GLI2: variants seen among roughly 807,000 people sequenced by gnomAD.
The protein encoded by GLI2 is GLI family zinc finger 2, also known as transcription activator GLI2.
GLI2 carries 22 observed loss-of-function variants against 78.9 expected under a neutral mutation model. The ratio of observed to expected loss-of-function variants is 0.28; its 90% CI spans 0.20 to 0.40. The LOEUF is 0.40. Ranked by LOEUF, GLI2 falls within the 10% of genes least tolerant of loss-of-function variation. The pLI, the probability that GLI2 is intolerant of heterozygous loss-of-function variation, is 1.00. For missense variants in GLI2, 2,097 were observed against 2,213.2 expected, an observed-to-expected ratio of 0.95 and a Z score of 1.05; for synonymous variants, 974 against 963.7, an observed-to-expected ratio of 1.01 and a Z score of -0.20.
intron 11 of GLI2, 149 bp downstream of exon 11, chr2:120,983,029 G>C (rs1334880071): frequency 3.3e-6 from 2 of 612,544 alleles, no homozygotes; most frequent in Non-Finnish European, 5.4e-6. Flanking sequence ...TACAGACCAG[G>C]ACTCTTTGAG....
chr2:120,919,550 A>T (rs1004639002), intron 2 of GLI2, among the ~76,000 whole-genome samples: 1 of 152,250 alleles, frequency 6.6e-6, no homozygotes, highest in Non-Finnish European at 1.5e-5. Flanking sequence ...TGGACAGGGC[A>T]TGGGGACCTA....
At position 120,971,930 on chromosome 2, in the gene GLI2, C is replaced by A. The variant is rs749962891; in HGVS notation, c.1060-11C>A. The A allele has an allele frequency of 1.9e-6, 3 of 1,613,390 alleles. No homozygotes were observed. In the South Asian group the frequency reaches 3.3e-5, roughly 18 times the overall value. ...CCTGAGTAACAGACTGTCCTCTGCA[C>A]CCTTCCTCAGAACAAGCAGAGCAGT... On this transcript the variant is annotated splice_polypyrimidine_tract_variant and intron_variant, in intron 7 of 13. Coordinates refer to ENST00000361492, the MANE Select transcript of GLI2 (RefSeq NM_001374353.1).
At chr2:120,955,965 G>A (rs1681242196) in intron 5 of GLI2, among the ~76,000 whole-genome samples, 1 of 152,148 alleles carries the variant, frequency 6.6e-6, no homozygotes, top group African/African-American at 2.4e-5. Flanking sequence ...GAGTGGGGGT[G>A]AGGCCAGAGT....
At position 120,798,227 on chromosome 2, in the gene GLI2, A is replaced by G. The variant is rs1573391199; in HGVS notation, c.148+759A>G. 2.0e-5 allele frequency among the ~76,000 whole-genome samples: 3 copies of G among 152,362 alleles called. No homozygotes were observed. In the South Asian group the frequency reaches 6.2e-4, roughly 32 times the overall value. On this transcript the variant is annotated intron_variant, in intron 2 of 13. Coordinates refer to ENST00000361492, the MANE Select transcript of GLI2 (RefSeq NM_001374353.1). ...CTGAGGCACAGCTCAGAGAGCAGGC[A>G]GGGAAGAGAATGCGCCTTTTCTTCC...
At chr2:120,808,653 A>G (rs898417480) in intron 2 of GLI2, among the ~76,000 whole-genome samples, 1 of 152,184 alleles carries the variant, frequency 6.6e-6, no homozygotes, top group Non-Finnish European at 1.5e-5. Flanking sequence ...CATGTTGGTG[A>G]CAAGAAAAGC....
intron 11 of GLI2, among the ~76,000 whole-genome samples, chr2:120,983,668 A>G (rs1682820504): frequency 6.6e-6 from 1 of 152,232 alleles, no homozygotes; most frequent in South Asian, 2.1e-4. Flanking sequence ...TGAGAGAACC[A>G]GGGAGAAAGC....
intron 2 of GLI2, among the ~76,000 whole-genome samples, chr2:120,853,964 T>C (rs1488341623): frequency 2.6e-5 from 4 of 152,162 alleles, no homozygotes; most frequent in Non-Finnish European, 5.9e-5. Flanking sequence ...TTCCTGTCCA[T>C]GGTGGCCTGT....
At chr2:120,863,802 A>C (rs538955062) in intron 2 of GLI2, among the ~76,000 whole-genome samples, 30 of 152,326 alleles carry the variant, frequency 2.0e-4, no homozygotes, top group African/African-American at 6.5e-4. Context: ...TGGGAACAGC[A>C]CAGATAAGCT....
chr2:120,887,569 T>A (rs915016683), intron 2 of GLI2, among the ~76,000 whole-genome samples: 3 of 152,254 alleles, frequency 2.0e-5, no homozygotes, highest in Non-Finnish European at 4.4e-5. Context: ...AAAGAGGCGG[T>A]GCACACACAA....
At chr2:120,741,980 G>A (rs563123140) in intron 1 of GLI2, among the ~76,000 whole-genome samples, 3 of 152,330 alleles carry the variant, frequency 2.0e-5, no homozygotes, top group Admixed American at 1.3e-4. Flanking sequence ...TCCGAGGGGC[G>A]CCCCGGGTCT....
At chr2:120,930,690 C>A (rs532978880) in intron 3 of GLI2, among the ~76,000 whole-genome samples, 2 of 152,244 alleles carry the variant, frequency 1.3e-5, no homozygotes, top group African/African-American at 2.4e-5. Flanking sequence ...AGAGACTCCA[C>A]GGAAGGGGTC....
chr2:120,932,795 G>A (rs1309222713), intron 3 of GLI2, among the ~76,000 whole-genome samples: 6 of 152,152 alleles, frequency 3.9e-5, no homozygotes, highest in South Asian at 4.1e-4. Context: ...AGGGGGCCAC[G>A]GCAGGCTGGG....
At chr2:120,779,779 C>T (rs1683783521) in intron 1 of GLI2, among the ~76,000 whole-genome samples, 1 of 152,214 alleles carries the variant, frequency 6.6e-6, no homozygotes, top group South Asian at 2.1e-4. Flanking sequence ...GCGGCCTGAC[C>T]CCCTCAGCCT....
At chr2:120,806,803 G>A (rs1237110855) in intron 2 of GLI2, among the ~76,000 whole-genome samples, 1 of 152,202 alleles carries the variant, frequency 6.6e-6, no homozygotes, top group Admixed American at 6.5e-5. Flanking sequence ...ATTTGAAGCT[G>A]CTGTCCTCTA....
intron 1 of GLI2, among the ~76,000 whole-genome samples, chr2:120,749,276 A>G (rs1325277473): frequency 6.6e-6 from 1 of 152,240 alleles, no homozygotes; most frequent in Non-Finnish European, 1.5e-5. Flanking sequence ...CTCTTAAAAA[A>G]TATAAGTTAA....
chr2:120,813,969 G>C (rs937352696), intron 2 of GLI2, among the ~76,000 whole-genome samples: 1 of 151,964 alleles, frequency 6.6e-6, no homozygotes, highest in Non-Finnish European at 1.5e-5. Context: ...GAGGTGAGAC[G>C]GGAGGAAAGC....
chr2:120,774,076 C>G (rs1015941405), intron 1 of GLI2, among the ~76,000 whole-genome samples: 7 of 151,880 alleles, frequency 4.6e-5, no homozygotes, highest in African/African-American at 1.7e-4. Context: ...GAGCAGGCAC[C>G]CCGATAGGAT....
At chr2:120,967,654 A>G (rs1681923679) in intron 5 of GLI2, among the ~76,000 whole-genome samples, 1 of 152,252 alleles carries the variant, frequency 6.6e-6, no homozygotes, top group Non-Finnish European at 1.5e-5. Context: ...ATATGTGTGC[A>G]TATGCATGTG....
intron 2 of GLI2, among the ~76,000 whole-genome samples, chr2:120,831,832 T>G (rs188990715): frequency 6.6e-6 from 1 of 152,308 alleles, no homozygotes; most frequent in Admixed American, 6.5e-5. Flanking sequence ...TTCAGTGAGG[T>G]CATGCTCACA....
Sources: gnomAD v4.1 joint callset for allele counts (sites outside exome capture counted in the v4.1 genomes callset) on GRCh38, gnomAD v4.1.1 for gene constraint, MANE v1.5 for transcripts, NCBI Gene and HGNC (gene_info 2026-07-23, HGNC 2026-07-21) for gene names.